Variants in ZC3H12B observed in about 807,000 individuals in gnomAD.
The protein encoded by ZC3H12B is probable ribonuclease ZC3H12B.
Under a neutral mutation model 43.9 loss-of-function variants are expected in ZC3H12B, and 7 were observed. That is an observed-to-expected ratio of 0.16 (90% CI 0.09 to 0.30). ZC3H12B has a LOEUF of 0.30. Among genes scored for constraint, ZC3H12B ranks in the 10% least tolerant of loss-of-function variants. The pLI is 1.00. For missense variants in ZC3H12B, 475 were observed against 670.2 expected, an observed-to-expected ratio of 0.71 and a Z score of 3.22; for synonymous variants, 222 against 241.7, an observed-to-expected ratio of 0.92 and a Z score of 0.76.
At chrX:65,341,918 G>T in the ZC3H12B span, among the ~76,000 whole-genome samples, 2 of 111,172 alleles carry the variant, frequency 1.8e-5, no homozygotes, top group South Asian at 7.6e-4. Context: ...GCACAGAGTG[G>T]CTACCTGAAT....
chrX:65,310,344 C>G, the ZC3H12B span, among the ~76,000 whole-genome samples: 1 of 111,419 alleles, frequency 9.0e-6, no homozygotes, highest in South Asian at 3.8e-4. Context: ...ACAAGCATTC[C>G]TATACACCAA....
the ZC3H12B span, among the ~76,000 whole-genome samples, chrX:65,274,856 C>T: frequency 3.6e-5 from 4 of 111,813 alleles, no homozygotes; most frequent in African/African-American, 1.3e-4. Flanking sequence ...TAACCTATGT[C>T]CTGGACCTAA....
At chrX:65,147,547 G>C in the ZC3H12B span, among the ~76,000 whole-genome samples, 12 of 111,292 alleles carry the variant, frequency 1.1e-4, no homozygotes, top group Non-Finnish European at 2.1e-4. Context: ...GGTAGGTCTT[G>C]GGATTGACCT....
the ZC3H12B span, among the ~76,000 whole-genome samples, chrX:65,245,589 AC>A: frequency 2.3e-3 from 256 of 112,074 alleles, 2 homozygotes; most frequent in African/African-American, 7.7e-3. Context: ...AAAGGCAAAA[AC>A]CACATGATTA....
chrX:65,114,762 A>G, the ZC3H12B span, among the ~76,000 whole-genome samples: 2 of 109,516 alleles, frequency 1.8e-5, no homozygotes, highest in Non-Finnish European at 3.8e-5. Context: ...TTTATTTACT[A>G]TTTCCTTTCT....
At chrX:65,146,783 A>T in the ZC3H12B span, among the ~76,000 whole-genome samples, 1 of 111,328 alleles carries the variant, frequency 9.0e-6, no homozygotes, top group African/African-American at 3.3e-5. Context: ...GGTATTGGGG[A>T]CTTTCTTCAC....
At chrX:65,287,997 T>C in the ZC3H12B span, among the ~76,000 whole-genome samples, 68 of 107,837 alleles carry the variant, frequency 6.3e-4, no homozygotes, top group African/African-American at 1.8e-3. Flanking sequence ...TACATATATA[T>C]ATATATATAT....
At chrX:65,438,688 C>A (rs948691474) in intron 3 of ZC3H12B, among the ~76,000 whole-genome samples, 1 of 113,099 alleles carries the variant, frequency 8.8e-6, no homozygotes, top group Admixed American at 9.3e-5. Flanking sequence ...AAAGGATGGG[C>A]CAAATTAATT....
the ZC3H12B span, among the ~76,000 whole-genome samples, chrX:65,078,456 A>G: frequency 8.9e-6 from 1 of 112,175 alleles, no homozygotes; most frequent in Non-Finnish European, 1.9e-5. Flanking sequence ...TAGGAGGAAC[A>G]TAAGAAGAAA....
At chrX:65,275,255 C>A in the ZC3H12B span, among the ~76,000 whole-genome samples, 2 of 112,680 alleles carry the variant, frequency 1.8e-5, no homozygotes, top group Non-Finnish European at 3.8e-5. Context: ...ATGTTCCAAG[C>A]CAGAGAAACA....
chrX:65,471,601 C>T (rs1357473074), intron 3 of ZC3H12B, among the ~76,000 whole-genome samples: 10 of 108,740 alleles, frequency 9.2e-5, no homozygotes, highest in Non-Finnish European at 1.9e-4. Context: ...CAGATATGCA[C>T]CACCATGCCT....
the ZC3H12B span, among the ~76,000 whole-genome samples, chrX:65,077,074 G>A: frequency 6.3e-5 from 7 of 111,782 alleles, no homozygotes; most frequent in Non-Finnish European, 1.1e-4. Flanking sequence ...TTTAGGTTTA[G>A]AATATAGGTT....
the ZC3H12B span, among the ~76,000 whole-genome samples, chrX:65,163,063 T>C: frequency 2.7e-5 from 3 of 111,541 alleles, no homozygotes; most frequent in Non-Finnish European, 5.7e-5. Flanking sequence ...GAGTCAGCAG[T>C]GGTGGCTGCA....
At chrX:65,212,449 A>G in the ZC3H12B span, among the ~76,000 whole-genome samples, 3 of 59,548 alleles carry the variant, frequency 5.0e-5, no homozygotes, top group Non-Finnish European at 7.6e-5. Context: ...TATATTATAT[A>G]TTATATAATA....
the ZC3H12B span, among the ~76,000 whole-genome samples, chrX:65,131,947 C>T: frequency 1.1e-4 from 12 of 110,994 alleles, no homozygotes; most frequent in Middle Eastern, 4.7e-3. Context: ...AGGTGAGAAG[C>T]GAAGGGGTGG....
chrX:65,059,024 C>T, the ZC3H12B span, among the ~76,000 whole-genome samples: 20 of 112,192 alleles, frequency 1.8e-4, no homozygotes, highest in African/African-American at 5.2e-4. Flanking sequence ...TTGCATTTCC[C>T]GGGTGTGGTG....
At chrX:65,082,151 G>A in the ZC3H12B span, among the ~76,000 whole-genome samples, 308 of 111,468 alleles carry the variant, frequency 2.8e-3, no homozygotes, top group African/African-American at 9.1e-3. Context: ...ATATCTATAA[G>A]TGTCTACATC....
At chrX:65,211,839 T>C in the ZC3H12B span, among the ~76,000 whole-genome samples, 1 of 79,517 alleles carries the variant, frequency 1.3e-5, no homozygotes, top group East Asian at 3.7e-4. Context: ...TACTATATAA[T>C]ATATAATATA....
the ZC3H12B span, among the ~76,000 whole-genome samples, chrX:65,237,024 G>GT: frequency 1.8e-5 from 2 of 111,917 alleles, no homozygotes; most frequent in Admixed American, 1.9e-4. Context: ...TGCTGTGGCT[G>GT]TTTGGGCTCT....
Sources: allele counts gnomAD v4.1 joint callset (sites outside exome capture counted in the v4.1 genomes callset), GRCh38; gene constraint gnomAD v4.1.1; transcripts MANE v1.5; gene names NCBI Gene and HGNC (gene_info 2026-07-23, HGNC 2026-07-21).